Variants in TMPRSS6 observed in about 807,000 individuals in gnomAD.
The protein encoded by TMPRSS6 is transmembrane serine protease 6, also known as transmembrane protease serine 6.
A neutral mutation model predicts 101.5 loss-of-function variants in TMPRSS6; 67 were observed. The observed-to-expected ratio is 0.66, with a 90% confidence interval of 0.54 to 0.81. The LOEUF (loss-of-function observed/expected upper bound fraction) is 0.81, where lower values mean the gene tolerates loss of function less well. TMPRSS6 is among the 30% of genes least tolerant of loss of function. The pLI is 0.00. For missense variants in TMPRSS6, 1,034 were observed against 1,088.7 expected (o/e 0.95, Z 0.71); for synonymous variants, 453 against 464.9 (o/e 0.97, Z 0.33).
intron 7 of TMPRSS6, 31 bp downstream of exon 7, chr22:37,089,547 C>CAA: frequency 7.2e-7 from 1 of 1,397,442 alleles, no homozygotes; most frequent in Non-Finnish European, 1.0e-6. Flanking sequence ...TTTTCCAGCC[C>CAA]TCCCTCCTGC....
At chr22:37,068,989 G>A in intron 16 of TMPRSS6, 84 bp downstream of exon 16, 3 of 1,508,698 alleles carry the variant, frequency 2.0e-6, no homozygotes, top group Non-Finnish European at 2.6e-6. Flanking sequence ...GGGACCCCCA[G>A]CCCCGCCCTT....
chr22:37,078,957 G>GAAA lies in TMPRSS6; in HGVS notation c.1197-3678_1197-3677insTTT, dbSNP rs1230714972. Reference sequence around the variant, plus strand: ...AGAAGGAGAAGGAGAAGGAGAAAAAGAGAAAGAAAGAAAGAAAAAGAAAGA... The same window carrying GAAA: ...AGAAGGAGAAGGAGAAGGAGAAAAAGAAAAGAAAGAAAGAAAGAAAAAGAAAGA... On this transcript the variant is annotated intron_variant, in intron 10 of 17. Coordinates refer to ENST00000676104, the MANE Select transcript of TMPRSS6 (RefSeq NM_001374504.1). 5.2e-4 allele frequency among the ~76,000 whole-genome samples: 54 copies of GAAA among 103,116 alleles called. 1 individual carries two copies. The East Asian group carries it at 6.4e-3, about 12-fold the overall frequency. The allele number at this position is 103,116 out of a possible 152,430, so 67.6% of individuals were successfully genotyped here. A position where few individuals can be genotyped will look rare whatever the true frequency, so the allele number is the denominator to read the frequency against.
chr22:37,066,269 C>A, intron 17 of TMPRSS6, 31 bp from the exon 18 acceptor site: 1 of 1,583,924 alleles, frequency 6.3e-7, no homozygotes, highest in Admixed American at 1.8e-5. Flanking sequence ...AGGACTGAAG[C>A]AGGGTAAGGG....
At chr22:37,078,947 AGGAGAAAAAGAGAAAG>A (rs1474547244) in intron 10 of TMPRSS6, among the ~76,000 whole-genome samples, 90 of 125,210 alleles carry the variant, frequency 7.2e-4, no homozygotes, top group African/African-American at 2.1e-3. Flanking sequence ...GAGAAGGAGA[AGGAGAAAAAGAGAAAG>A]AAAGAAAGAA....
At chr22:37,098,652 A>G in intron 2 of TMPRSS6, 103 bp from the exon 3 acceptor site, 1 of 1,532,200 alleles carries the variant, frequency 6.5e-7, no homozygotes, top group Non-Finnish European at 9.0e-7. Flanking sequence ...GCTCAGCCTC[A>G]GTGTCTTGGG....
chr22:37,093,234 G>C (rs2543514), intron 6 of TMPRSS6, among the ~76,000 whole-genome samples: 65,132 of 151,820 alleles, frequency 0.43, 14,175 homozygotes, highest in African/African-American at 0.48. Flanking sequence ...TTCATGAAAC[G>C]AACACCCACT....
intron 6 of TMPRSS6, among the ~76,000 whole-genome samples, chr22:37,094,133 GA>G (rs2146143662): frequency 6.6e-6 from 1 of 152,202 alleles, no homozygotes; most frequent in East Asian, 1.9e-4. Context: ...AGCATCATCT[GA>G]TTAAGTCCCC....
chr22:37,084,612 C>A, intron 9 of TMPRSS6, 115 bp downstream of exon 9: 1 of 977,862 alleles, frequency 1.0e-6, no homozygotes. Context: ...ACCCAGGGCT[C>A]AGCCTGTGGG....
intron 7 of TMPRSS6, 42 bp from the exon 8 acceptor site, chr22:37,086,461 G>T: frequency 6.4e-7 from 1 of 1,553,130 alleles, no homozygotes; most frequent in South Asian, 1.2e-5. Flanking sequence ...TGGGGTCTGG[G>T]AGGGGAGTGG....
At position 37,065,889 on chromosome 22, in the gene TMPRSS6, C is replaced by T; in HGVS notation, c.*191G>A. 1.4e-6 allele frequency: 1 copy of T among 719,944 alleles called. No individual in the cohort carries two copies. The highest frequency in any genetic ancestry group is 2.3e-6 in the Non-Finnish European group (1 of 438,702). 44.6% of individuals were successfully genotyped at this position (719,944 alleles called of 1,614,324 possible). On this transcript the variant is annotated 3_prime_UTR_variant, in exon 18 of 18. Transcript: ENST00000676104. ...CCTCAGGGGACGTCTTGACCCCCAG[C>T]TGCTGGCACTTCTCCATCCTCCTGC...
In TMPRSS6 at chr22:37,070,556, C is replaced by T. The variant is rs1926795184; in HGVS notation, c.1769G>A (p.Arg590Gln). 1.9e-6 allele frequency: 3 copies of T among 1,613,356 alleles called. No homozygotes were observed. The highest frequency in any genetic ancestry group is 2.2e-5 in the East Asian group (1 of 44,882). The part of the protein sequence containing the change: ...PWQASLQVRG[R>Q]HICGGALIAD... ...GATGAGGGCCCCCCCACAGATGTGT[C>T]GACCCCGAACCTGGAGGCTGGCCTG... The change falls in exon 15 of 18, where the codon CGA becomes CAA. Residue 590 changes from arginine to glutamine, a missense_variant. Arg to Gln is a conservative substitution (Grantham distance 43). Coordinates refer to ENST00000676104, the MANE Select transcript of TMPRSS6 (RefSeq NM_001374504.1).
intron 13 of TMPRSS6, among the ~76,000 whole-genome samples, chr22:37,072,475 A>ATGGT (rs1927117627): frequency 7.8e-6 from 1 of 128,486 alleles, no homozygotes; most frequent in Admixed American, 7.9e-5. Context: ...GGATGGATGG[A>ATGGT]TGGATGGATG....
At chr22:37,068,323 C>T (rs1926528155) in intron 16 of TMPRSS6, among the ~76,000 whole-genome samples, 2 of 152,246 alleles carry the variant, frequency 1.3e-5, no homozygotes. Context: ...TCCTCTGAGC[C>T]TCAGTTTCCC....
rs1426213264 is a variant in TMPRSS6, at chr22:37,103,374, TC to T, written c.43del (p.Asp15ThrfsTer53). On this transcript the variant is annotated frameshift_variant, in exon 2 of 18. Transcript: ENST00000676104. LOFTEE classifies it high-confidence loss of function. This position sits in a 1 kb window ranked among gnomAD's most constrained non-coding sequence, Gnocchi z 4.4. The stretch of plus-strand genomic sequence containing the variant: ...CTCCGCTTCCTCGCCATCACCTCCG[TC>T]CCCCTGCCCGCCAGCCACCTGGGGG... ...EAPQVAGGQG[D>X]GGDGEEAEPE... The T allele has an allele frequency of 6.2e-7, 1 of 1,613,888 alleles. No individual in the cohort carries two copies. The highest frequency in any genetic ancestry group is 8.5e-7 in the Non-Finnish European group (1 of 1,179,986).
At chr22:37,074,963 G>A (rs917638154) in intron 11 of TMPRSS6, among the ~76,000 whole-genome samples, 172 bp downstream of exon 11, 7 of 152,320 alleles carry the variant, frequency 4.6e-5, no homozygotes, top group East Asian at 1.9e-4. Flanking sequence ...CCTTGCACAC[G>A]TGGGCACACA....
intron 1 of TMPRSS6, among the ~76,000 whole-genome samples, chr22:37,106,250 G>A (rs929365124): frequency 2.0e-5 from 3 of 151,874 alleles, no homozygotes; most frequent in East Asian, 3.9e-4. Context: ...TCAGAGTGAC[G>A]CCCTGATCAC....
At chr22:37,100,807 C>T (rs9619658) in intron 2 of TMPRSS6, among the ~76,000 whole-genome samples, 49,471 of 151,886 alleles carry the variant, frequency 0.33, 8,190 homozygotes, top group East Asian at 0.35. Flanking sequence ...ACGAAAGAAG[C>T]GGGTGGAGAG....
chr22:37,092,738 C>T (rs1046313579), intron 6 of TMPRSS6, among the ~76,000 whole-genome samples: 40 of 152,324 alleles, frequency 2.6e-4, no homozygotes, highest in African/African-American at 7.9e-4. Context: ...TCAGGTGATC[C>T]GCTCAACTTG....
Position 37,103,495 on chromosome 22 carries a change from G to A in TMPRSS6, c.-1-77C>T, listed in dbSNP as rs775803308. 12 of 1,614,104 alleles carry A rather than the reference G, an allele frequency of 7.4e-6. No individual in the cohort carries two copies. The highest frequency in any genetic ancestry group is 4.5e-5 in the East Asian group (2 of 44,902). Reference sequence around the variant, plus strand: ...CCTCTGCTGAGCACCGGTGGGGCACGGAAGCAGGACTTCCCTGCCTTTTGG... The same window carrying A: ...CCTCTGCTGAGCACCGGTGGGGCACAGAAGCAGGACTTCCCTGCCTTTTGG... On this transcript the variant is annotated intron_variant, in intron 1 of 17. Coordinates refer to ENST00000676104, the MANE Select transcript of TMPRSS6 (RefSeq NM_001374504.1). The surrounding 1 kb of genome is among the most constrained non-coding windows in gnomAD (Gnocchi z 4.4).
Sources: allele counts gnomAD v4.1 joint callset (sites outside exome capture counted in the v4.1 genomes callset), GRCh38; gene constraint gnomAD v4.1.1; non-coding constraint Gnocchi (gnomAD v3.1); transcripts MANE v1.5; gene names NCBI Gene and HGNC (gene_info 2026-07-23, HGNC 2026-07-21).